DPP10: variants seen among roughly 807,000 people sequenced by gnomAD.
DPP10 encodes dipeptidyl peptidase like 10, also known as inactive dipeptidyl peptidase 10.
Under a neutral mutation model 120.9 loss-of-function variants are expected in DPP10, and 33 were observed. The ratio of observed to expected loss-of-function variants is 0.27; its 90% CI spans 0.21 to 0.37. The LOEUF (loss-of-function observed/expected upper bound fraction) is 0.37, where lower values mean the gene tolerates loss of function less well. Ranked by LOEUF, DPP10 falls within the 10% of genes least tolerant of loss-of-function variation. The pLI is 1.00. For synonymous variants in DPP10, 337 were observed against 326.1 expected, an observed-to-expected ratio of 1.03 and a Z score of -0.36; for missense variants, 816 against 942.8, an observed-to-expected ratio of 0.87 and a Z score of 1.76.
chr2:114,888,385 A>T (rs981901467), intron 1 of DPP10, among the ~76,000 whole-genome samples: 1 of 152,182 alleles, frequency 6.6e-6, no homozygotes, highest in Non-Finnish European at 1.5e-5. Flanking sequence ...AAGAAGAAGA[A>T]GGTACAATTA....
At chr2:115,709,590 T>A (rs2092249921) in intron 7 of DPP10, among the ~76,000 whole-genome samples, 1 of 147,008 alleles carries the variant, frequency 6.8e-6, no homozygotes, top group Non-Finnish European at 1.5e-5. Context: ...AAGAAGAAAA[T>A]GGACACTTGT....
intron 1 of DPP10, among the ~76,000 whole-genome samples, chr2:115,095,912 A>G (rs1457023952): frequency 6.6e-6 from 1 of 152,144 alleles, no homozygotes; most frequent in East Asian, 1.9e-4. Flanking sequence ...CAAACAAACA[A>G]AAAGAAGATG....
chr2:115,167,606 A>C (rs1320076978), intron 1 of DPP10, among the ~76,000 whole-genome samples: 2 of 129,100 alleles, frequency 1.5e-5, no homozygotes, highest in Non-Finnish European at 3.1e-5. Context: ...GACCGTCTCA[A>C]AAAAAAAAAA....
chr2:115,527,373 G>A (rs930407149), intron 5 of DPP10, among the ~76,000 whole-genome samples: 2 of 152,080 alleles, frequency 1.3e-5, no homozygotes, highest in Non-Finnish European at 2.9e-5. Flanking sequence ...ATTGGCTTAA[G>A]CCACACACCT....
At chr2:115,139,355 T>TC (rs2050801377) in intron 1 of DPP10, among the ~76,000 whole-genome samples, 2 of 151,966 alleles carry the variant, frequency 1.3e-5, no homozygotes, top group South Asian at 4.1e-4. Flanking sequence ...GTTCATAGAT[T>TC]TTTTTAATTT....
chr2:114,624,127 A>G (rs1042609493), intron 1 of DPP10, among the ~76,000 whole-genome samples: 2 of 151,992 alleles, frequency 1.3e-5, no homozygotes, highest in African/African-American at 4.8e-5. Context: ...GAAGCATTGA[A>G]GAGGTAATGG....
At chr2:114,542,048 CCTTTT>C (rs1686999753) in intron 1 of DPP10, among the ~76,000 whole-genome samples, 1 of 122,200 alleles carries the variant, frequency 8.2e-6, no homozygotes, top group Non-Finnish European at 1.7e-5. Flanking sequence ...TTCTTTCTTT[CCTTTT>C]TTTTTTTTTT....
chr2:115,334,119 A>T (rs2106192367), intron 2 of DPP10, among the ~76,000 whole-genome samples: 1 of 151,696 alleles, frequency 6.6e-6, no homozygotes, highest in South Asian at 2.1e-4. Flanking sequence ...GCAGGCTAAC[A>T]TTCAAATTCA....
chr2:115,290,793 TCTCTAACACTCTAGC>T (rs1296553751), intron 1 of DPP10, among the ~76,000 whole-genome samples: 1 of 152,132 alleles, frequency 6.6e-6, no homozygotes, highest in Non-Finnish European at 1.5e-5. Context: ...GTCTCTGACT[TCTCTAACACTCTAGC>T]ATTGCTTATG....
chr2:114,953,236 G>A (rs780952725), intron 1 of DPP10, among the ~76,000 whole-genome samples: 5 of 152,066 alleles, frequency 3.3e-5, no homozygotes, highest in East Asian at 3.8e-4. Flanking sequence ...CAAATTCTGC[G>A]CTATAGAACC....
At chr2:114,778,536 A>AT (rs1166326699) in intron 1 of DPP10, among the ~76,000 whole-genome samples, 2 of 152,034 alleles carry the variant, frequency 1.3e-5, no homozygotes, top group Non-Finnish European at 2.9e-5. Flanking sequence ...TCACGCAATT[A>AT]TTTAGAGTTC....
chr2:115,573,126 C>A (rs1014567030), intron 5 of DPP10, among the ~76,000 whole-genome samples: 1 of 151,964 alleles, frequency 6.6e-6, no homozygotes, highest in African/African-American at 2.4e-5. Context: ...CCTGAGAAAA[C>A]CTATTAATAT....
At chr2:115,608,100 T>C (rs2083824738) in intron 5 of DPP10, among the ~76,000 whole-genome samples, 1 of 152,040 alleles carries the variant, frequency 6.6e-6, no homozygotes, top group Non-Finnish European at 1.5e-5. Flanking sequence ...ATTAAATCCT[T>C]ATTCTGGCTG....
intron 1 of DPP10, among the ~76,000 whole-genome samples, chr2:115,204,134 G>T (rs1171599293): frequency 7.1e-6 from 1 of 140,142 alleles, no homozygotes; most frequent in African/African-American, 2.7e-5. Context: ...TTAGTGAAAT[G>T]TCTTCTACAG....
intron 9 of DPP10, among the ~76,000 whole-genome samples, chr2:115,742,834 G>T (rs1007793686): frequency 7.2e-5 from 11 of 152,008 alleles, no homozygotes; most frequent in African/African-American, 2.7e-4. Flanking sequence ...ATGAAAATGA[G>T]TATAGCAAAT....
At chr2:114,821,646 G>T (rs575563692) in intron 1 of DPP10, among the ~76,000 whole-genome samples, 1 of 152,078 alleles carries the variant, frequency 6.6e-6, no homozygotes, top group Non-Finnish European at 1.5e-5. Flanking sequence ...AAAACAAAAA[G>T]GAAGTTAGTT....
At chr2:114,455,980 G>A (rs754927661) in intron 1 of DPP10, among the ~76,000 whole-genome samples, 3 of 152,030 alleles carry the variant, frequency 2.0e-5, no homozygotes, top group Non-Finnish European at 2.9e-5. Context: ...ACACCACATG[G>A]CAATACTGCT....
intron 19 of DPP10, among the ~76,000 whole-genome samples, chr2:115,808,141 G>A (rs1249052817): frequency 1.3e-5 from 2 of 152,322 alleles, no homozygotes; most frequent in East Asian, 3.9e-4. Flanking sequence ...ACGCTGAGCA[G>A]CATATACGTG....
chr2:115,611,045 C>A (rs192167220), intron 5 of DPP10, among the ~76,000 whole-genome samples: 1 of 152,078 alleles, frequency 6.6e-6, no homozygotes, highest in East Asian at 1.9e-4. Flanking sequence ...TGCATTCTCC[C>A]AGTAAAAAGG....
Sources: gnomAD v4.1 joint callset for allele counts (sites outside exome capture counted in the v4.1 genomes callset) on GRCh38, gnomAD v4.1.1 for gene constraint, MANE v1.5 for transcripts, NCBI Gene and HGNC (gene_info 2026-07-23, HGNC 2026-07-21) for gene names.